The following MET variants were observed in gnomAD, a reference collection of about 807,000 sequenced individuals.
MET encodes the protein MET proto-oncogene, receptor tyrosine kinase.
In MET, 48 loss-of-function variants were observed where a neutral mutation model predicts 133.1. That is an observed-to-expected ratio of 0.36 (90% CI 0.29 to 0.46). The LOEUF is 0.46. Among genes scored for constraint, MET ranks in the 20% least tolerant of loss-of-function variants. The probability of loss-of-function intolerance (pLI) is 1.00; values close to 1 mark genes in which losing one functional copy is unlikely to be tolerated. For synonymous variants in MET, 628 were observed against 616.5 expected, an observed-to-expected ratio of 1.02 and a Z score of -0.28; for missense variants, 1,442 against 1,695.9, an observed-to-expected ratio of 0.85 and a Z score of 2.63.
chr7:116,703,315 G>T (rs1791649814), intron 2 of MET, among the ~76,000 whole-genome samples: 1 of 152,022 alleles, frequency 6.6e-6, no homozygotes, highest in Non-Finnish European at 1.5e-5. Flanking sequence ...TTCCAATATT[G>T]AGTACTATGA....
At chr7:116,755,330 T>C (rs34570320) in intron 5 of MET, 25 bp from the exon 6 acceptor site, 3 of 1,613,326 alleles carry the variant, frequency 1.9e-6, no homozygotes, top group Non-Finnish European at 2.5e-6. Context: ...TGGGTTTTTT[T>C]AAAAGTTCTA....
At chr7:116,776,745 C>T (rs181832192) in intron 15 of MET, among the ~76,000 whole-genome samples, 43 of 152,240 alleles carry the variant, frequency 2.8e-4, no homozygotes, top group Admixed American at 1.8e-3. Flanking sequence ...AAATTACTGC[C>T]ACTGGATAAA....
intron 11 of MET, among the ~76,000 whole-genome samples, chr7:116,765,410 G>A (rs772022370): frequency 1.3e-5 from 2 of 151,932 alleles, no homozygotes; most frequent in Non-Finnish European, 2.9e-5. Context: ...ATGCAGCCAT[G>A]CATGCAAGAG....
intron 19 of MET, among the ~76,000 whole-genome samples, chr7:116,792,024 A>G (rs1354019290): frequency 6.6e-6 from 1 of 152,178 alleles, no homozygotes; most frequent in Non-Finnish European, 1.5e-5. Context: ...TCAAAAAGCA[A>G]AAGTTTTTGA....
At chr7:116,740,134 C>T (rs772601338) in intron 4 of MET, 50 bp downstream of exon 4, 1 of 1,607,652 alleles carries the variant, frequency 6.2e-7, no homozygotes. Flanking sequence ...TTCCCAAATG[C>T]ATATTTACAA....
chr7:116,692,830 G>A (rs1360364776), intron 1 of MET, among the ~76,000 whole-genome samples: 1 of 152,196 alleles, frequency 6.6e-6, no homozygotes, highest in East Asian at 1.9e-4. Context: ...CACCTGATAT[G>A]TGCACAACAT....
chr7:116,697,770 T>A (rs1490992022), intron 1 of MET, among the ~76,000 whole-genome samples: 1 of 152,230 alleles, frequency 6.6e-6, no homozygotes, highest in Non-Finnish European at 1.5e-5. Flanking sequence ...ATGATCATAA[T>A]AATCCTAAGT....
rs372830179 is a variant in MET, at chr7:116,797,975, A to T, written c.*1851A>T. 2.7e-5 allele frequency: 6 copies of T among 220,692 alleles called. No homozygotes were observed. The East Asian group carries it at 4.0e-4, about 15-fold the overall frequency. The allele number at this position is 220,692 out of a possible 1,614,324, so 13.7% of individuals were successfully genotyped here. ...ACACAAGGAATTGTACTGAAGAGCTATTACAATCCAAATATTGCCGTTTCA... is the reference window on the plus strand; with the variant it reads ...ACACAAGGAATTGTACTGAAGAGCTTTTACAATCCAAATATTGCCGTTTCA... On this transcript the variant is annotated 3_prime_UTR_variant, in exon 21 of 21. Transcript: ENST00000397752.
At chr7:116,754,893 G>A (rs13309280) in intron 5 of MET, among the ~76,000 whole-genome samples, 104 of 97,492 alleles carry the variant, frequency 1.1e-3, no homozygotes, top group South Asian at 3.7e-3. Flanking sequence ...GAGAGAAAGA[G>A]AGAAAGAAAG....
intron 3 of MET, among the ~76,000 whole-genome samples, chr7:116,737,452 T>C (rs1793260551): frequency 1.3e-5 from 2 of 152,296 alleles, no homozygotes; most frequent in South Asian, 2.1e-4. Flanking sequence ...GCTTTTTCAA[T>C]GGTATTTACT....
At chr7:116,775,139 A>G (rs1194055017) in intron 15 of MET, 28 bp downstream of exon 15, 3 of 1,608,238 alleles carry the variant, frequency 1.9e-6, no homozygotes, top group Non-Finnish European at 1.7e-6. Context: ...GCTTTTTGTT[A>G]AATACGATTT....
chr7:116,795,917 T>A lies in MET; in HGVS notation c.3966T>A (p.Pro1322=), dbSNP rs372608840. Residue 1322 remains proline (P), a synonymous_variant, in exon 21 of 21, where the codon CCT becomes CCA. Coordinates refer to ENST00000397752, the MANE Select transcript of MET (RefSeq NM_000245.4). The part of the protein sequence containing the change: ...LYEVMLKCWH[P]KAEMRPSFSE... Reference sequence around the variant, plus strand: ...AAGTAATGCTAAAATGCTGGCACCCTAAAGCCGAAATGCGCCCATCCTTTT... The same window carrying A: ...AAGTAATGCTAAAATGCTGGCACCCAAAAGCCGAAATGCGCCCATCCTTTT... The A allele has an allele frequency of 3.7e-6, 6 of 1,614,094 alleles. No individual in the cohort carries two copies. The highest frequency in any genetic ancestry group is 5.1e-6 in the Non-Finnish European group (6 of 1,180,042).
intron 11 of MET, among the ~76,000 whole-genome samples, chr7:116,768,818 A>G (rs867043640): frequency 3.7e-4 from 57 of 152,334 alleles, no homozygotes; most frequent in African/African-American, 1.3e-3. Flanking sequence ...GAGAAATTAT[A>G]CCTAGGTTTG....
At position 116,699,283 on chromosome 7, in the gene MET, A is replaced by G. The variant is rs202047059; in HGVS notation, c.199A>G (p.Thr67Ala). Residue 67 changes from threonine to alanine, a missense_variant, in exon 2 of 21, where the codon ACT (threonine) becomes GCT (alanine). Thr to Ala is a moderately conservative substitution (Grantham distance 58). Around this residue, in one of 6 missense-constraint regions of MET, gnomAD observed 762 missense variants for 792.4 expected, o/e 0.96. Transcript: ENST00000397752. ...TGAGCATCACATTTTCCTTGGTGCC[A>G]CTAACTACATTTATGTTTTAAATGA... ...LHEHHIFLGA[T>A]NYIYVLNEED... 1.1e-5 allele frequency: 17 copies of G among 1,613,942 alleles called. No individual in the cohort carries two copies. Among genetic ancestry groups the G allele is most frequent in the Non-Finnish European group, 1.4e-5 (17 of 1,179,956 alleles).
intron 6 of MET, among the ~76,000 whole-genome samples, chr7:116,756,933 T>C (rs375272270): frequency 5.3e-5 from 8 of 152,130 alleles, no homozygotes; most frequent in African/African-American, 1.9e-4. Context: ...ACCATTAATG[T>C]AAAGTTTAGT....
intron 5 of MET, among the ~76,000 whole-genome samples, chr7:116,746,510 G>A (rs1793692588): frequency 6.6e-6 from 1 of 152,166 alleles, no homozygotes; most frequent in Non-Finnish European, 1.5e-5. Context: ...ATTCAGAATA[G>A]CAAAGACTTG....
intron 1 of MET, chr7:116,695,650 T>A (rs938110913): frequency 8.5e-6 from 3 of 354,034 alleles, no homozygotes; most frequent in South Asian, 2.2e-5. Context: ...GGATGGGTTC[T>A]TGTTAGCCAG....
In MET at chr7:116,774,913, T is replaced by C. The variant is rs2117029846; in HGVS notation, c.3061T>C (p.Cys1021Arg). The change falls in exon 15 of 21, where the codon TGC (cysteine) becomes CGC (arginine). Residue 1021 changes from cysteine to arginine, a missense_variant. By Grantham distance (180) the Cys-to-Arg change is radical. Around this residue, in one of 6 missense-constraint regions of MET, gnomAD observed 514 missense variants for 659.6 expected, o/e 0.78. Transcript: ENST00000397752. ...TCCTAATTCATCTCAGAACGGTTCA[T>C]GCCGACAAGTGCAGTATCCTCTGAC... ...QFPNSSQNGS[C>R]RQVQYPLTDM... 6.2e-7 allele frequency: 1 copy of C among 1,614,192 alleles called. No individual in the cohort carries two copies. Among genetic ancestry groups the C allele is most frequent in the Non-Finnish European group, 8.5e-7 (1 of 1,179,994 alleles).
chr7:116,791,072 G>A (rs765976081), intron 19 of MET, among the ~76,000 whole-genome samples: 13 of 152,062 alleles, frequency 8.5e-5, no homozygotes, highest in East Asian at 1.9e-4. Flanking sequence ...AGTGAGACCC[G>A]TCTCAAAAAT....
Sources: allele counts gnomAD v4.1 joint callset (sites outside exome capture counted in the v4.1 genomes callset), GRCh38; gene constraint gnomAD v4.1.1; regional missense constraint gnomAD v4.1.1; transcripts MANE v1.5; gene names NCBI Gene and HGNC (gene_info 2026-07-23, HGNC 2026-07-21).